Variants in ATF6 observed in about 807,000 individuals in gnomAD.
ATF6 encodes cyclic AMP-dependent transcription factor ATF-6 alpha.
A neutral mutation model predicts 83.6 loss-of-function variants in ATF6; 53 were observed. That is an observed-to-expected ratio of 0.63 (90% CI 0.51 to 0.80). The LOEUF (loss-of-function observed/expected upper bound fraction) is 0.80, where lower values mean the gene tolerates loss of function less well. ATF6 is among the 30% of genes least tolerant of loss of function. The pLI, the probability that ATF6 is intolerant of heterozygous loss-of-function variation, is 0.00. For missense variants in ATF6, 744 were observed against 797.9 expected, an observed-to-expected ratio of 0.93 and a Z score of 0.81; for synonymous variants, 288 against 285.8, an observed-to-expected ratio of 1.01 and a Z score of -0.08.
intron 9 of ATF6, chr1:161,839,968 A>G (rs1194836544): frequency 6.6e-6 from 1 of 152,230 alleles, no homozygotes; most frequent in African/African-American, 2.4e-5. Flanking sequence ...CATGATAGAA[A>G]TGGGAAGCCA....
intron 14 of ATF6, among the ~76,000 whole-genome samples, chr1:161,881,437 T>C (rs148142583): frequency 6.0e-4 from 92 of 152,308 alleles, no homozygotes; most frequent in African/African-American, 2.1e-3. Flanking sequence ...CCTCTTGATA[T>C]GGCAGCTCAC....
At chr1:161,869,079 C>CAA (rs35932688) in intron 14 of ATF6, among the ~76,000 whole-genome samples, 20,057 of 148,976 alleles carry the variant, frequency 0.13, 1,822 homozygotes, top group East Asian at 0.32. Flanking sequence ...GTGATTATTG[C>CAA]AAAAAAAAAG....
chr1:161,802,247 G>A lies in ATF6; in HGVS notation c.884G>A (p.Ser295Asn). The A allele has an allele frequency of 6.2e-7, 1 of 1,613,946 alleles. No individual in the cohort carries two copies. Among genetic ancestry groups the A allele is most frequent in the Non-Finnish European group, 8.5e-7 (1 of 1,179,920 alleles). ...TCCGTGACTAAACCTGTCCTACAAA[G>A]TACCATGAGAAATGTCGGTTCAGAT... ...KLSVTKPVLQ[S>N]TMRNVGSDIA... Residue 295 changes from serine to asparagine, a missense_variant, in exon 7 of 16, where the codon AGT (serine) becomes AAT (asparagine). Coordinates refer to ENST00000367942, the MANE Select transcript of ATF6 (RefSeq NM_007348.4).
intron 14 of ATF6, among the ~76,000 whole-genome samples, chr1:161,884,007 T>C (rs1362376550): frequency 6.6e-6 from 1 of 152,066 alleles, no homozygotes; most frequent in Non-Finnish European, 1.5e-5. Flanking sequence ...TAATACTCTA[T>C]CATGCAAAGA....
At chr1:161,787,125 A>G (rs1480297517) in intron 4 of ATF6, among the ~76,000 whole-genome samples, 1 of 152,126 alleles carries the variant, frequency 6.6e-6, no homozygotes, top group Non-Finnish European at 1.5e-5. Context: ...ATTTTTTCTA[A>G]TACTGATTAT....
Position 161,959,543 on chromosome 1 carries a change from G to A in ATF6, c.*889G>A, listed in dbSNP as rs544119078. ...AAATTAGCCGGGCGTAGTGACGGGC[G>A]CCTGTAGTCCCAGCTACTTGGGAGG... On this transcript the variant is annotated 3_prime_UTR_variant, in exon 16 of 16. Transcript: ENST00000367942. 4 of 152,012 alleles carry A rather than the reference G, an allele frequency of 2.6e-5. No individual in the cohort carries two copies. The highest frequency in any genetic ancestry group is 6.5e-5 in the Admixed American group (1 of 15,274). 9.4% of individuals were successfully genotyped at this position (152,012 alleles called of 1,614,324 possible). A position where few individuals can be genotyped will look rare whatever the true frequency, so the allele number is the denominator to read the frequency against.
intron 14 of ATF6, among the ~76,000 whole-genome samples, chr1:161,868,838 G>A (rs1268912265): frequency 6.6e-6 from 1 of 152,056 alleles, no homozygotes; most frequent in Non-Finnish European, 1.5e-5. Context: ...CTAAGCTGTA[G>A]AGCTAAATAA....
Position 161,958,722 on chromosome 1 carries a change from G to A in ATF6, c.*68G>A, listed in dbSNP as rs775880301. 93 of 1,327,078 alleles carry A rather than the reference G, an allele frequency of 7.0e-5. No homozygotes were observed. Among genetic ancestry groups the A allele is most frequent in the Non-Finnish European group, 9.2e-5 (90 of 974,612 alleles). 82.2% of individuals were successfully genotyped at this position (1,327,078 alleles called of 1,614,324 possible). On this transcript the variant is annotated 3_prime_UTR_variant, in exon 16 of 16. Coordinates refer to ENST00000367942, the MANE Select transcript of ATF6 (RefSeq NM_007348.4). ...AGACTGAAGAGCAGGTGAGCAAAAT[G>A]CTGCTTTCTGCCTTGGTGGCAGGCA...
chr1:161,820,401 G>T (rs1464785323), intron 8 of ATF6, among the ~76,000 whole-genome samples: 1 of 152,152 alleles, frequency 6.6e-6, no homozygotes. Context: ...TAAAAGGTTA[G>T]GGAGGCAAAC....
At chr1:161,932,018 A>G (rs561554560) in intron 15 of ATF6, among the ~76,000 whole-genome samples, 28 of 152,312 alleles carry the variant, frequency 1.8e-4, no homozygotes, top group Non-Finnish European at 3.1e-4. Context: ...AGTAATTGCT[A>G]TAGGAACCAA....
At chr1:161,859,895 A>G (rs994052021) in intron 12 of ATF6, among the ~76,000 whole-genome samples, 1 of 152,190 alleles carries the variant, frequency 6.6e-6, no homozygotes, top group Non-Finnish European at 1.5e-5. Flanking sequence ...ACAAGCAGAC[A>G]TTGTTATATG....
At chr1:161,820,147 T>TATAAA (rs10656595) in intron 8 of ATF6, among the ~76,000 whole-genome samples, 21,444 of 152,010 alleles carry the variant, frequency 0.14, 2,047 homozygotes, top group East Asian at 0.31. Context: ...AAGAAAACAA[T>TATAAA]ATAAAAGTGT....
intron 15 of ATF6, among the ~76,000 whole-genome samples, chr1:161,947,754 T>G (rs2101915618): frequency 6.7e-6 from 1 of 150,058 alleles, no homozygotes; most frequent in Admixed American, 6.7e-5. Context: ...GATAGTATAT[T>G]CCAAATTATT....
intron 6 of ATF6, among the ~76,000 whole-genome samples, chr1:161,796,061 G>A (rs1685012138): frequency 6.6e-6 from 1 of 151,316 alleles, no homozygotes; most frequent in Non-Finnish European, 1.5e-5. Context: ...GCCACATTTG[G>A]CCTTGCCTTG....
Position 161,781,925 on chromosome 1 carries a change from A to G in ATF6, c.173A>G (p.Asp58Gly). 1 of 1,608,472 alleles carries G rather than the reference A, an allele frequency of 6.2e-7. No homozygotes were observed. The highest frequency in any genetic ancestry group is 8.5e-7 in the Non-Finnish European group (1 of 1,177,360). Reference sequence around the variant, plus strand: ...TGAAACCTACAGGAAAACAATTTTGATAATCTTGATTTTGATTTGGATTTG... The same window carrying G: ...TGAAACCTACAGGAAAACAATTTTGGTAATCTTGATTTTGATTTGGATTTG... ...AANETYENNF[D>G]NLDFDLDLMP... is the part of the protein sequence containing the mutation. Residue 58 changes from aspartate to glycine, a missense_variant, in exon 3 of 16, where the codon GAT (aspartate) becomes GGT (glycine). By Grantham distance (94) the Asp-to-Gly change is moderately conservative. Transcript: ENST00000367942.
At chr1:161,889,279 C>T (rs1450843677) in intron 14 of ATF6, among the ~76,000 whole-genome samples, 1 of 152,220 alleles carries the variant, frequency 6.6e-6, no homozygotes, top group Admixed American at 6.5e-5. Context: ...CAGGAATTGC[C>T]TTGTCCCCAA....
chr1:161,790,672 G>A (rs1571132533), intron 4 of ATF6, among the ~76,000 whole-genome samples: 2 of 152,044 alleles, frequency 1.3e-5, no homozygotes, highest in South Asian at 2.1e-4. Context: ...TTAGCAAGGC[G>A]TGGTGGCACA....
intron 14 of ATF6, among the ~76,000 whole-genome samples, chr1:161,887,197 G>A (rs934446405): frequency 6.6e-6 from 1 of 151,234 alleles, no homozygotes; most frequent in African/African-American, 2.4e-5. Flanking sequence ...TAAGCCTCCC[G>A]AGTGGCTGGA....
chr1:161,802,340 T>C, intron 7 of ATF6, 68 bp downstream of exon 7: 1 of 1,402,756 alleles, frequency 7.1e-7, no homozygotes, highest in Non-Finnish European at 9.9e-7. Flanking sequence ...CACCTTTTGC[T>C]TTTGTTGCCT....
Sources: allele counts gnomAD v4.1 joint callset (sites outside exome capture counted in the v4.1 genomes callset), GRCh38; gene constraint gnomAD v4.1.1; transcripts MANE v1.5; gene names NCBI Gene and HGNC (gene_info 2026-07-23, HGNC 2026-07-21).